FAT3: variants seen among roughly 807,000 people sequenced by gnomAD.
FAT3 encodes the protein FAT atypical cadherin 3, also known as protocadherin Fat 3.
A neutral mutation model predicts 310.2 loss-of-function variants in FAT3; 95 were observed. The ratio of observed to expected loss-of-function variants is 0.31; its 90% CI spans 0.26 to 0.36. The LOEUF is 0.36. Ranked by LOEUF, FAT3 falls within the 10% of genes least tolerant of loss-of-function variation. FAT3 has a pLI of 1.00. For synonymous variants in FAT3, 2,314 were observed against 2,192.9 expected, an observed-to-expected ratio of 1.06 and a Z score of -1.54; for missense variants, 5,408 against 5,715.6, an observed-to-expected ratio of 0.95 and a Z score of 1.74.
chr11:92,418,432 C>CG (rs1555040316), intron 2 of FAT3, among the ~76,000 whole-genome samples: 3 of 101,196 alleles, frequency 3.0e-5, no homozygotes, highest in Non-Finnish European at 3.8e-5. Flanking sequence ...CCCCCCACCC[C>CG]CCCACACACA....
intron 3 of FAT3, among the ~76,000 whole-genome samples, chr11:92,613,006 GAT>G (rs1940638001): frequency 6.6e-6 from 1 of 152,164 alleles, no homozygotes; most frequent in Non-Finnish European, 1.5e-5. Context: ...GGTAGGACGG[GAT>G]CGTAGAGTAA....
Position 92,559,841 on chromosome 11 carries a change from C to G in FAT3, c.3607+34893C>G, listed in dbSNP as rs1271108831. Among the ~76,000 whole-genome samples, 3 of 151,970 alleles carry G rather than the reference C, an allele frequency of 2.0e-5. No individual in the cohort carries two copies. The South Asian group carries it at 6.2e-4, about 32-fold the overall frequency. On this transcript the variant is annotated intron_variant, in intron 3 of 27. Coordinates refer to ENST00000525166, the MANE Select transcript of FAT3 (RefSeq NM_001367949.2). ...GGCTGAATGTTGTATGCATACATCA[C>G]CTTTTGTTTATCCATTCATCAGCTG... is the stretch of plus-strand genomic sequence containing the variant.
chr11:92,721,933 T>G (rs1319491455), intron 4 of FAT3, among the ~76,000 whole-genome samples: 2 of 152,018 alleles, frequency 1.3e-5, no homozygotes, highest in African/African-American at 4.8e-5. Context: ...CCTCCATGAT[T>G]TAAGTACCTC....
At chr11:92,351,704 T>C (rs925699800) in intron 1 of FAT3, among the ~76,000 whole-genome samples, 5 of 152,038 alleles carry the variant, frequency 3.3e-5, no homozygotes, top group Non-Finnish European at 5.9e-5. Flanking sequence ...TAACAGATAA[T>C]TGTCTAAATG....
At position 92,225,082 on chromosome 11, in the gene FAT3, C is replaced by T. The variant is rs1863844926; in HGVS notation, c.-110C>T. Among the ~76,000 whole-genome samples, 1 of 151,880 alleles carries T rather than the reference C, an allele frequency of 6.6e-6. No individual in the cohort carries two copies. The highest frequency in any genetic ancestry group is 1.5e-5 in the Non-Finnish European group (1 of 67,936). ...CGCTGCGGCGGCAGCAGCCGGGGGA[C>T]CGGCTCGCCCGGAGCAAGAGCGCCG... On this transcript the variant is annotated 5_prime_UTR_variant, in exon 1 of 28. Coordinates refer to ENST00000525166, the MANE Select transcript of FAT3 (RefSeq NM_001367949.2).
intron 1 of FAT3, among the ~76,000 whole-genome samples, chr11:92,346,423 C>A (rs904188723): frequency 2.0e-5 from 3 of 152,100 alleles, no homozygotes; most frequent in Non-Finnish European, 4.4e-5. Context: ...TAGCTTTTGG[C>A]CATGTCACCA....
At chr11:92,247,732 T>C (rs567099784) in intron 1 of FAT3, among the ~76,000 whole-genome samples, 13 of 151,896 alleles carry the variant, frequency 8.6e-5, no homozygotes, top group Admixed American at 8.5e-4. Context: ...CCTGTTTTTT[T>C]TTTTTTTTTT....
chr11:92,431,857 C>T (rs1235499748), intron 2 of FAT3, among the ~76,000 whole-genome samples: 4 of 152,066 alleles, frequency 2.6e-5, no homozygotes, highest in African/African-American at 4.8e-5. Flanking sequence ...CATTGGTCTA[C>T]ATCTCTGTTT....
At chr11:92,451,929 G>GC (rs1480208932) in intron 2 of FAT3, among the ~76,000 whole-genome samples, 1 of 152,138 alleles carries the variant, frequency 6.6e-6, no homozygotes, top group African/African-American at 2.4e-5. Flanking sequence ...CTAAACAAGT[G>GC]CAATGCATGT....
At chr11:92,858,615 T>C (rs1032886230) in intron 20 of FAT3, among the ~76,000 whole-genome samples, 13 of 152,298 alleles carry the variant, frequency 8.5e-5, no homozygotes, top group African/African-American at 3.1e-4. Flanking sequence ...GCCTCGAAAT[T>C]AATGGCCAGA....
chr11:92,767,283 G>T (rs554531806), intron 6 of FAT3, among the ~76,000 whole-genome samples: 4 of 150,838 alleles, frequency 2.7e-5, no homozygotes, highest in Non-Finnish European at 5.9e-5. Context: ...AAAGGAGAAT[G>T]CAGCAGAAAC....
chr11:92,315,537 A>T (rs868300289), intron 1 of FAT3, among the ~76,000 whole-genome samples: 7 of 141,638 alleles, frequency 4.9e-5, no homozygotes, highest in African/African-American at 1.9e-4. Context: ...AGAGAGAGAG[A>T]GAGAGAGAGA....
chr11:92,554,706 C>G (rs1465759343), intron 3 of FAT3, among the ~76,000 whole-genome samples: 2 of 152,056 alleles, frequency 1.3e-5, no homozygotes, highest in African/African-American at 2.4e-5. Flanking sequence ...TTGTGCCAGG[C>G]CTTATATTGT....
At chr11:92,249,438 A>G (rs942433642) in intron 1 of FAT3, among the ~76,000 whole-genome samples, 4 of 152,134 alleles carry the variant, frequency 2.6e-5, no homozygotes, top group Non-Finnish European at 4.4e-5. Context: ...AATGCTTTCA[A>G]TCCAGGCATG....
At chr11:92,293,512 T>TTATATATATATA (rs1195340265) in intron 1 of FAT3, among the ~76,000 whole-genome samples, 57 of 67,868 alleles carry the variant, frequency 8.4e-4, no homozygotes, top group South Asian at 2.2e-3. Context: ...GAACCTCAGA[T>TTATATATATATA]TATATATATA....
intron 2 of FAT3, among the ~76,000 whole-genome samples, chr11:92,426,721 T>C (rs1228251330): frequency 3.3e-5 from 5 of 152,176 alleles, no homozygotes; most frequent in Non-Finnish European, 7.4e-5. Flanking sequence ...CTCTGTTCTG[T>C]TCCGTTGGTC....
chr11:92,616,986 T>G (rs893791731), intron 3 of FAT3, among the ~76,000 whole-genome samples: 2 of 152,216 alleles, frequency 1.3e-5, no homozygotes, highest in African/African-American at 4.8e-5. Flanking sequence ...AGTATCTTTG[T>G]GGCATTCTCT....
intron 7 of FAT3, 43 bp downstream of exon 7, chr11:92,774,223 T>C (rs1401612130): frequency 6.4e-7 from 1 of 1,559,452 alleles, no homozygotes; most frequent in African/African-American, 1.4e-5. Flanking sequence ...CTGAAAGAGC[T>C]GCCAAAGTCA....
At chr11:92,303,309 C>T (rs1365120065) in intron 1 of FAT3, among the ~76,000 whole-genome samples, 1 of 152,052 alleles carries the variant, frequency 6.6e-6, no homozygotes, top group African/African-American at 2.4e-5. Context: ...TGTTGCATTG[C>T]TTCTCTTCCA....
Sources: allele counts gnomAD v4.1 joint callset (sites outside exome capture counted in the v4.1 genomes callset), GRCh38; gene constraint gnomAD v4.1.1; transcripts MANE v1.5; gene names NCBI Gene and HGNC (gene_info 2026-07-23, HGNC 2026-07-21).